The following LNX1 variants were observed in gnomAD, a reference collection of about 807,000 sequenced individuals.
The protein encoded by LNX1 is E3 ubiquitin-protein ligase LNX.
A neutral mutation model predicts 68.4 loss-of-function variants in LNX1; 54 were observed. The observed-to-expected ratio is 0.79, with a 90% confidence interval of 0.63 to 0.99. The LOEUF (loss-of-function observed/expected upper bound fraction) is 0.99. LNX1 is among the 50% of genes least tolerant of loss of function. LNX1 has a pLI of 0.00. For missense variants in LNX1, 906 were observed against 926.4 expected (o/e 0.98, Z 0.29); for synonymous variants, 336 against 350.0 (o/e 0.96, Z 0.45).
chr4:53,587,105 T>G (rs1732215620), intron 1 of LNX1, among the ~76,000 whole-genome samples: 1 of 152,234 alleles, frequency 6.6e-6, no homozygotes. Context: ...GGCAACCTAC[T>G]ACATTTTCGG....
chr4:53,509,785 T>A (rs1375734859), intron 2 of LNX1, among the ~76,000 whole-genome samples: 1 of 152,218 alleles, frequency 6.6e-6, no homozygotes, highest in Non-Finnish European at 1.5e-5. Flanking sequence ...GTGTGATTGA[T>A]GGGGTTGTGA....
intron 2 of LNX1, among the ~76,000 whole-genome samples, chr4:53,553,231 G>A (rs1729641341): frequency 6.6e-6 from 1 of 152,180 alleles, no homozygotes; most frequent in South Asian, 2.1e-4. Flanking sequence ...AACAGGGAAA[G>A]TCAGGGTAAG....
chr4:53,531,658 C>A (rs1264579063), intron 2 of LNX1, among the ~76,000 whole-genome samples: 2 of 152,198 alleles, frequency 1.3e-5, no homozygotes, highest in African/African-American at 4.8e-5. Flanking sequence ...GGTGGATGAA[C>A]TCATAATCGT....
chr4:53,544,957 A>T (rs986921873), intron 2 of LNX1, among the ~76,000 whole-genome samples: 2 of 152,196 alleles, frequency 1.3e-5, no homozygotes, highest in Non-Finnish European at 2.9e-5. Context: ...GCACGTCCCC[A>T]GTGACACCTC....
intron 1 of LNX1, among the ~76,000 whole-genome samples, chr4:53,585,196 T>C (rs1560681774): frequency 6.6e-6 from 1 of 152,224 alleles, no homozygotes; most frequent in East Asian, 1.9e-4. Flanking sequence ...TGGTTTTTAC[T>C]GTTTTGTCTT....
At chr4:53,626,810 C>A (rs866012206) in intron 1 of LNX1, among the ~76,000 whole-genome samples, 3 of 152,082 alleles carry the variant, frequency 2.0e-5, no homozygotes, top group Admixed American at 6.6e-5. Flanking sequence ...ATCATAAAAA[C>A]CAAATTCTTG....
intron 1 of LNX1, among the ~76,000 whole-genome samples, chr4:53,647,576 A>G (rs1411249469): frequency 1.3e-5 from 2 of 152,248 alleles, no homozygotes; most frequent in African/African-American, 2.4e-5. Context: ...AAGAAAAAAA[A>G]GCCAGGATTC....
chr4:53,587,313 G>GT (rs1253082697), intron 1 of LNX1, among the ~76,000 whole-genome samples: 3 of 152,072 alleles, frequency 2.0e-5, no homozygotes, highest in African/African-American at 7.2e-5. Flanking sequence ...ACATTTTATG[G>GT]TTTTTTTATG....
chr4:53,553,507 C>T lies in LNX1; in HGVS notation c.380+20116G>A, dbSNP rs184302761. Among the ~76,000 whole-genome samples the T allele has an allele frequency of 3.3e-5, 5 of 152,314 alleles. No individual in the cohort carries two copies. In the East Asian group the frequency reaches 9.6e-4, roughly 29 times the overall value. ...ACCTACACTGTTCTAAGGTTTTCAT[C>T]TACAAGTCTCTCCACATGCAGGGCT... On this transcript the variant is annotated intron_variant, in intron 2 of 10. Transcript: ENST00000263925.
At chr4:53,538,308 T>C (rs1462217111) in intron 2 of LNX1, among the ~76,000 whole-genome samples, 4 of 152,206 alleles carry the variant, frequency 2.6e-5, no homozygotes. Flanking sequence ...TCTTTCAGGC[T>C]AAGAGCCAGA....
intron 1 of LNX1, among the ~76,000 whole-genome samples, chr4:53,631,908 T>C (rs540558971): frequency 6.6e-6 from 1 of 152,006 alleles, no homozygotes; most frequent in African/African-American, 2.4e-5. Context: ...TGTAATTCTA[T>C]AGTTGTTAGA....
chr4:53,463,945 AAC>A (rs1455914139), intron 9 of LNX1, among the ~76,000 whole-genome samples: 1 of 152,138 alleles, frequency 6.6e-6, no homozygotes, highest in Non-Finnish European at 1.5e-5. Context: ...TCCTAAGAAA[AAC>A]ACTGTTTAGA....
chr4:53,579,869 G>T (rs1402525840), intron 1 of LNX1, among the ~76,000 whole-genome samples: 2 of 152,198 alleles, frequency 1.3e-5, no homozygotes, highest in Non-Finnish European at 2.9e-5. Flanking sequence ...ATGTGGCAAC[G>T]ATAATTTTAC....
At chr4:53,623,425 G>A (rs553240388) in intron 1 of LNX1, among the ~76,000 whole-genome samples, 27 of 152,010 alleles carry the variant, frequency 1.8e-4, no homozygotes, top group African/African-American at 6.3e-4. Context: ...GGTAGAGACA[G>A]GATTTCACCA....
At chr4:53,594,527 C>T (rs1176235326), upstream of LNX1, among the ~76,000 whole-genome samples, 1 of 152,130 alleles carries the variant, frequency 6.6e-6, no homozygotes, top group African/African-American at 2.4e-5. Context: ...AAATCCTGGA[C>T]ATATAGTGCT....
intron 4 of LNX1, chr4:53,502,113 C>T (rs1246394720): frequency 5.3e-5 from 8 of 152,116 alleles, no homozygotes; most frequent in African/African-American, 1.2e-4. Flanking sequence ...CACTCAAGGA[C>T]TAAAGGATAT....
rs374415255 is a variant in LNX1, at chr4:53,555,017, AG to A, written c.380+18605del. 8.1e-3 allele frequency among the ~76,000 whole-genome samples: 1,229 copies of A among 152,274 alleles called. 15 individuals carry two copies. The highest frequency in any genetic ancestry group is 0.027 in the African/African-American group (1,134 of 41,540). Reference sequence around the variant, plus strand: ...TGCTGTTAGAGAGAAAGGAAAATCCAGGAGGGTCTGTGCATCTGGAAAAACA... The same window carrying A: ...TGCTGTTAGAGAGAAAGGAAAATCCAGAGGGTCTGTGCATCTGGAAAAACA... On this transcript the variant is annotated intron_variant, in intron 2 of 10. Transcript: ENST00000263925.
chr4:53,636,179 C>CTTTT (rs11440722), intron 1 of LNX1, among the ~76,000 whole-genome samples: 28 of 85,226 alleles, frequency 3.3e-4, no homozygotes, highest in African/African-American at 8.4e-4. Flanking sequence ...TCTATTACTC[C>CTTTT]TTTTTTTTTT....
chr4:53,494,461 C>T (rs182381442), intron 6 of LNX1, among the ~76,000 whole-genome samples: 2 of 152,270 alleles, frequency 1.3e-5, no homozygotes, highest in Admixed American at 1.3e-4. Flanking sequence ...CTTAGGATGA[C>T]CCTTGCTGAC....
Sources: allele counts gnomAD v4.1 joint callset (sites outside exome capture counted in the v4.1 genomes callset), GRCh38; gene constraint gnomAD v4.1.1; transcripts MANE v1.5; gene names NCBI Gene and HGNC (gene_info 2026-07-23, HGNC 2026-07-21).